The following ITGB8 variants were observed in gnomAD, a reference collection of about 807,000 sequenced individuals.
ITGB8 encodes integrin beta-8.
Under a neutral mutation model 89.5 loss-of-function variants are expected in ITGB8, and 30 were observed. The observed-to-expected ratio is 0.34, with a 90% CI of 0.25 to 0.45. ITGB8 has a LOEUF of 0.45. ITGB8 is among the 20% of genes least tolerant of loss of function. The pLI is 1.00. For synonymous variants in ITGB8, 335 were observed against 320.4 expected (o/e 1.05, Z -0.49); for missense variants, 836 against 933.3 (o/e 0.90, Z 1.36).
At position 20,331,466 on chromosome 7, in the gene ITGB8, A is replaced by G. The variant is rs1784389232; in HGVS notation, c.-341A>G. ...CAGAAGCCCCACCGGCTGGAGAGAA[A>G]CAAAAGCTCTTTTCTTTGTCCCGGA... On this transcript the variant is annotated 5_prime_UTR_variant, in exon 1 of 14. Coordinates refer to ENST00000222573, the MANE Select transcript of ITGB8 (RefSeq NM_002214.3). 2.4e-6 allele frequency: 1 copy of G among 414,382 alleles called. No homozygotes were observed. Among genetic ancestry groups the G allele is most frequent in the Non-Finnish European group, 4.2e-6 (1 of 237,446 alleles). 25.7% of individuals were successfully genotyped at this position (414,382 alleles called of 1,614,324 possible). A position where few individuals can be genotyped will look rare whatever the true frequency, so the allele number is the denominator to read the frequency against.
Position 20,406,163 on chromosome 7 carries a change from A to C in ITGB8, c.2015A>C (p.Gln672Pro). 1 of 1,590,524 alleles carries C rather than the reference A, an allele frequency of 6.3e-7. No homozygotes were observed. The highest frequency in any genetic ancestry group is 8.6e-7 in the Non-Finnish European group (1 of 1,158,486). The stretch of plus-strand genomic sequence containing the variant: ...ATGGAACAACAGCATTATGTCGACC[A>C]AACTTCAGGTAGGCCAAAGCTTAAT... The part of the protein sequence containing the change: ...ALMEQQHYVD[Q>P]TSECFSSPSY... The change falls in exon 12 of 14, where the codon CAA becomes CCA. Residue 672 changes from glutamine to proline, a missense_variant. This residue lies in a region of ITGB8 where 422 missense variants were observed against 416.9 expected (regional missense o/e 1.01). Transcript: ENST00000222573.
chr7:20,375,195 A>T (rs373154340), intron 3 of ITGB8, among the ~76,000 whole-genome samples: 3 of 152,168 alleles, frequency 2.0e-5, no homozygotes, highest in East Asian at 1.9e-4. Context: ...GAAATTCTAC[A>T]TTCATAAAGG....
intron 6 of ITGB8, among the ~76,000 whole-genome samples, chr7:20,384,360 A>G (rs535091437): frequency 6.6e-6 from 1 of 152,168 alleles, no homozygotes; most frequent in Middle Eastern, 3.2e-3. Context: ...ATATGTCTAA[A>G]TTACATGGGA....
At chr7:20,386,842 ATGT>A in intron 6 of ITGB8, among the ~76,000 whole-genome samples, 1 of 152,168 alleles carries the variant, frequency 6.6e-6, no homozygotes, top group Non-Finnish European at 1.5e-5. Flanking sequence ...ATTAAATTAG[ATGT>A]TGTAGGTAAG....
chr7:20,381,895 C>T lies in ITGB8; in HGVS notation c.960+10C>T. 3 of 1,607,016 alleles carry T rather than the reference C, an allele frequency of 1.9e-6. No individual in the cohort carries two copies. Among genetic ancestry groups the T allele is most frequent in the Non-Finnish European group, 2.5e-6 (3 of 1,176,840 alleles). On this transcript the variant is annotated intron_variant, in intron 6 of 13. Transcript: ENST00000222573. ...CAAATCGACAACCATGGTAATGCAGCAGTAACCGCTTAGTAGATATGACTC... is the reference window on the plus strand; with the variant it reads ...CAAATCGACAACCATGGTAATGCAGTAGTAACCGCTTAGTAGATATGACTC...
chr7:20,373,857 G>C (rs1786029393), intron 3 of ITGB8, among the ~76,000 whole-genome samples: 2 of 152,132 alleles, frequency 1.3e-5, no homozygotes, highest in South Asian at 4.1e-4. Context: ...CTAGTGTGCA[G>C]TCATGTTCGT....
chr7:20,334,345 C>T (rs369908700), intron 1 of ITGB8, among the ~76,000 whole-genome samples: 4 of 152,028 alleles, frequency 2.6e-5, no homozygotes, highest in Non-Finnish European at 5.9e-5. Flanking sequence ...AACATTGTTT[C>T]CACATTTACT....
intron 6 of ITGB8, among the ~76,000 whole-genome samples, chr7:20,390,008 T>C (rs1435446393): frequency 1.3e-5 from 2 of 152,178 alleles, no homozygotes; most frequent in Non-Finnish European, 2.9e-5. Context: ...ACAACAATTA[T>C]AGATGACAGA....
At chr7:20,360,361 T>TTTTTTTTTA (rs1554303694) in intron 1 of ITGB8, among the ~76,000 whole-genome samples, 2 of 150,028 alleles carry the variant, frequency 1.3e-5, no homozygotes, top group African/African-American at 4.9e-5. Context: ...TTTTTTTTTT[T>TTTTTTTTTA]ACTTGAGTAG....
intron 6 of ITGB8, among the ~76,000 whole-genome samples, chr7:20,383,131 T>C (rs897642652): frequency 6.6e-6 from 1 of 152,190 alleles, no homozygotes. Context: ...GTGGTTCCCA[T>C]GGGTAAATTT....
In ITGB8 at chr7:20,380,738, G is replaced by A; in HGVS notation, c.708G>A (p.Glu236=). Residue 236 remains glutamate (E), a synonymous_variant, in exon 5 of 14, where the codon GAG becomes GAA. Coordinates refer to ENST00000222573, the MANE Select transcript of ITGB8 (RefSeq NM_002214.3). ...TGTCTTTGACAGAGAACATCACTGAGTTTGAGAAAGCAGTTCATAGACAGA... is the reference window on the plus strand; with the variant it reads ...TGTCTTTGACAGAGAACATCACTGAATTTGAGAAAGCAGTTCATAGACAGA... ...HVLSLTENIT[E]FEKAVHRQKI... is the part of the protein sequence containing the mutation. 2 of 1,613,380 alleles carry A rather than the reference G, an allele frequency of 1.2e-6. No individual in the cohort carries two copies. The highest frequency in any genetic ancestry group is 2.2e-5 in the South Asian group (2 of 91,074).
intron 4 of ITGB8, 117 bp downstream of exon 4, chr7:20,379,414 A>T: frequency 1.6e-6 from 1 of 631,876 alleles, no homozygotes; most frequent in Non-Finnish European, 2.3e-6. Context: ...AATAAGAATA[A>T]AAATATTTGG....
chr7:20,411,437 G>A lies in ITGB8; in HGVS notation c.*1440G>A, dbSNP rs1365581573. On this transcript the variant is annotated 3_prime_UTR_variant, in exon 14 of 14. Coordinates refer to ENST00000222573, the MANE Select transcript of ITGB8 (RefSeq NM_002214.3). ...CCCAGAGTGTTGGGATTACAGGCATGAGCCACCATGCCAGGCTGCTAATTC... is the reference window on the plus strand; with the variant it reads ...CCCAGAGTGTTGGGATTACAGGCATAAGCCACCATGCCAGGCTGCTAATTC... The A allele has an allele frequency of 6.6e-6, 1 of 152,472 alleles. No homozygotes were observed. The highest frequency in any genetic ancestry group is 2.4e-5 in the African/African-American group (1 of 41,410). 9.4% of individuals were successfully genotyped at this position (152,472 alleles called of 1,614,324 possible).
At chr7:20,387,651 A>G (rs1416648669) in intron 6 of ITGB8, among the ~76,000 whole-genome samples, 2 of 152,168 alleles carry the variant, frequency 1.3e-5, no homozygotes, top group African/African-American at 2.4e-5. Context: ...TGCTACTGGC[A>G]CCTGTTGTGT....
intron 1 of ITGB8, among the ~76,000 whole-genome samples, chr7:20,340,455 A>C (rs1784719918): frequency 6.6e-6 from 1 of 152,202 alleles, no homozygotes; most frequent in African/African-American, 2.4e-5. Flanking sequence ...ACTGTACCAA[A>C]TATGTCATAT....
Position 20,415,530 on chromosome 7 carries a change from A to C in ITGB8, c.*5533A>C, listed in dbSNP as rs1166680074. 6.6e-6 allele frequency: 1 copy of C among 152,578 alleles called. No homozygotes were observed. The highest frequency in any genetic ancestry group is 1.5e-5 in the Non-Finnish European group (1 of 67,982). The allele number at this position is 152,578 out of a possible 1,614,324, so 9.5% of individuals were successfully genotyped here. ...GAATATTGGAGAATATGATACTTTCACATAATATACTATGAACCTGTTCAT... is the reference window on the plus strand; with the variant it reads ...GAATATTGGAGAATATGATACTTTCCCATAATATACTATGAACCTGTTCAT... On this transcript the variant is annotated 3_prime_UTR_variant, in exon 14 of 14. Coordinates refer to ENST00000222573, the MANE Select transcript of ITGB8 (RefSeq NM_002214.3).
chr7:20,361,328 T>A lies in ITGB8; in HGVS notation c.128-2309T>A, dbSNP rs112181161. 4.4e-4 allele frequency among the ~76,000 whole-genome samples: 67 copies of A among 152,326 alleles called. 1 individual carries two copies. Among genetic ancestry groups the A allele is most frequent in the African/African-American group, 1.5e-3 (63 of 41,584 alleles). ...AAGTTGGCGAAAGTCAAATTAGGTC[T>A]GTGTCTTAGTTCATCTGTACTGCTA... On this transcript the variant is annotated intron_variant, in intron 1 of 13. Transcript: ENST00000222573.
At chr7:20,349,541 T>A (rs1479034876) in intron 1 of ITGB8, among the ~76,000 whole-genome samples, 1 of 152,094 alleles carries the variant, frequency 6.6e-6, no homozygotes, top group Admixed American at 6.5e-5. Flanking sequence ...TTGAAAAGAT[T>A]TTTTATTATC....
At chr7:20,405,464 C>A (rs1275107621) in intron 11 of ITGB8, among the ~76,000 whole-genome samples, 1 of 148,888 alleles carries the variant, frequency 6.7e-6, no homozygotes, top group Non-Finnish European at 1.5e-5. Flanking sequence ...GTGCCCGCCA[C>A]CACGCCGGGC....
Sources: gnomAD v4.1 joint callset for allele counts (sites outside exome capture counted in the v4.1 genomes callset) on GRCh38, gnomAD v4.1.1 for gene constraint, gnomAD v4.1.1 regional missense constraint, MANE v1.5 for transcripts, NCBI Gene and HGNC (gene_info 2026-07-23, HGNC 2026-07-21) for gene names.